CTNNA3: variants seen among roughly 807,000 people sequenced by gnomAD.
CTNNA3 encodes catenin alpha-3.
A neutral mutation model predicts 95.7 loss-of-function variants in CTNNA3; 76 were observed. That is an observed-to-expected ratio of 0.79 (90% CI 0.66 to 0.96). The LOEUF is 0.96. CTNNA3 is among the 40% of genes least tolerant of loss of function. The pLI is 0.00. For synonymous variants in CTNNA3, 431 were observed against 374.4 expected (o/e 1.15, Z -1.74); for missense variants, 1,191 against 1,089.8 (o/e 1.09, Z -1.31).
At chr10:67,133,306 GATATAT>G (rs56800232) in intron 7 of CTNNA3, among the ~76,000 whole-genome samples, 5 of 97,688 alleles carry the variant, frequency 5.1e-5, no homozygotes, top group Non-Finnish European at 1.1e-4. Flanking sequence ...CATATTGCCT[GATATAT>G]ATATATATAT....
intron 11 of CTNNA3, among the ~76,000 whole-genome samples, chr10:66,395,271 C>G (rs536885700): frequency 3.3e-5 from 5 of 152,142 alleles, no homozygotes; most frequent in South Asian, 2.1e-4. Context: ...ACAGATCCCT[C>G]TCTATGAGAC....
intron 7 of CTNNA3, among the ~76,000 whole-genome samples, chr10:66,938,789 G>A (rs774942789): frequency 1.4e-4 from 22 of 152,264 alleles, no homozygotes; most frequent in Non-Finnish European, 2.4e-4. Context: ...ACATTTGGAG[G>A]GATATGTTAA....
intron 12 of CTNNA3, among the ~76,000 whole-genome samples, chr10:66,307,016 G>A (rs984976393): frequency 2.6e-5 from 4 of 152,084 alleles, no homozygotes; most frequent in African/African-American, 9.7e-5. Context: ...CAGGCACAAC[G>A]GCAAGCATTT....
chr10:67,222,208 C>T (rs960536156), intron 5 of CTNNA3, among the ~76,000 whole-genome samples: 1 of 152,158 alleles, frequency 6.6e-6, no homozygotes, highest in African/African-American at 2.4e-5. Flanking sequence ...AGATTAACTT[C>T]GTTACAAAAT....
At chr10:66,876,382 T>C (rs1844623386) in intron 7 of CTNNA3, among the ~76,000 whole-genome samples, 1 of 152,148 alleles carries the variant, frequency 6.6e-6, no homozygotes, top group African/African-American at 2.4e-5. Context: ...TTTGTATTAA[T>C]TTTGTTTGGA....
intron 5 of CTNNA3, among the ~76,000 whole-genome samples, chr10:67,480,317 TG>T (rs1848170604): frequency 6.6e-6 from 1 of 152,202 alleles, no homozygotes; most frequent in Admixed American, 6.5e-5. Context: ...CCAATATCCC[TG>T]ATGAACACAG....
intron 12 of CTNNA3, among the ~76,000 whole-genome samples, chr10:66,347,821 A>G (rs2092535997): frequency 6.6e-6 from 1 of 152,110 alleles, no homozygotes; most frequent in Non-Finnish European, 1.5e-5. Context: ...AATAAAGAAT[A>G]TGGTGGATAG....
chr10:67,657,524 A>T (rs184155904), intron 1 of CTNNA3, among the ~76,000 whole-genome samples: 14 of 152,132 alleles, frequency 9.2e-5, no homozygotes, highest in Non-Finnish European at 1.9e-4. Flanking sequence ...CAGGTGAATT[A>T]AAAAAATATG....
At chr10:67,374,766 G>A (rs994584415) in intron 5 of CTNNA3, among the ~76,000 whole-genome samples, 1 of 152,124 alleles carries the variant, frequency 6.6e-6, no homozygotes, top group African/African-American at 2.4e-5. Context: ...GAGGGCCTCA[G>A]GGAGAAGAAA....
chr10:67,641,897 T>C (rs1230890101), intron 2 of CTNNA3, among the ~76,000 whole-genome samples: 1 of 152,124 alleles, frequency 6.6e-6, no homozygotes, highest in African/African-American at 2.4e-5. Flanking sequence ...TTAGGAGGTA[T>C]ACCTAATGTA....
chr10:65,934,645 T>A (rs2077307489), intron 17 of CTNNA3, among the ~76,000 whole-genome samples: 1 of 152,090 alleles, frequency 6.6e-6, no homozygotes, highest in African/African-American at 2.4e-5. Flanking sequence ...TAGGTATGGA[T>A]CAAATCAACA....
chr10:66,368,131 C>A (rs1481317254), intron 12 of CTNNA3, among the ~76,000 whole-genome samples: 1 of 151,848 alleles, frequency 6.6e-6, no homozygotes, highest in Non-Finnish European at 1.5e-5. Flanking sequence ...AAGATCTACA[C>A]AAGTTACATT....
chr10:67,387,182 C>G (rs1039775339), intron 5 of CTNNA3, among the ~76,000 whole-genome samples: 1 of 152,108 alleles, frequency 6.6e-6, no homozygotes, highest in African/African-American at 2.4e-5. Flanking sequence ...AGACAGTGGG[C>G]GCAGGTCAGT....
chr10:66,728,433 A>C (rs1432021092), intron 9 of CTNNA3, among the ~76,000 whole-genome samples: 1 of 152,168 alleles, frequency 6.6e-6, no homozygotes, highest in Admixed American at 6.5e-5. Flanking sequence ...TCTTCGGTTT[A>C]CTTAGATCTC....
intron 13 of CTNNA3, among the ~76,000 whole-genome samples, chr10:66,109,289 CT>C (rs2082028026): frequency 1.3e-5 from 2 of 152,162 alleles, no homozygotes; most frequent in Admixed American, 1.3e-4. Context: ...CAGCCCAAGC[CT>C]CCAGAGACAG....
At chr10:67,061,355 T>C (rs1282041932) in intron 7 of CTNNA3, among the ~76,000 whole-genome samples, 12 of 152,336 alleles carry the variant, frequency 7.9e-5, no homozygotes, top group Non-Finnish European at 1.0e-4. Context: ...CAGCACTATT[T>C]ACAAAATAGA....
At chr10:66,931,636 T>C (rs1847400629) in intron 7 of CTNNA3, among the ~76,000 whole-genome samples, 1 of 152,344 alleles carries the variant, frequency 6.6e-6, no homozygotes, top group African/African-American at 2.4e-5. Flanking sequence ...GTTTACAACA[T>C]GTTTTTTGAC....
intron 12 of CTNNA3, among the ~76,000 whole-genome samples, chr10:66,376,865 A>C (rs181020020): frequency 2.0e-5 from 3 of 152,312 alleles, no homozygotes; most frequent in Admixed American, 2.0e-4. Flanking sequence ...ATTTATAACT[A>C]ATAAGTCCAA....
Position 66,607,948 on chromosome 10 carries a change from G to A in CTNNA3, c.1374+13744C>T, listed in dbSNP as rs993815552. Among the ~76,000 whole-genome samples, 5 of 152,206 alleles carry A rather than the reference G, an allele frequency of 3.3e-5. No individual in the cohort carries two copies. In the South Asian group the frequency reaches 1.0e-3, roughly 32 times the overall value. On this transcript the variant is annotated intron_variant, in intron 10 of 17. Transcript: ENST00000433211. ...AACATAGTATTGGAAGTCCTGGCCAGAGCAATCAGGGAAGAGAAATAAATA... is the reference window on the plus strand; with the variant it reads ...AACATAGTATTGGAAGTCCTGGCCAAAGCAATCAGGGAAGAGAAATAAATA...
Sources: allele counts gnomAD v4.1 joint callset (sites outside exome capture counted in the v4.1 genomes callset), GRCh38; gene constraint gnomAD v4.1.1; transcripts MANE v1.5; gene names NCBI Gene and HGNC (gene_info 2026-07-23, HGNC 2026-07-21).